The following ATP6V1E2 variants were observed in gnomAD, a reference collection of about 807,000 sequenced individuals.
ATP6V1E2 encodes V-type proton ATPase subunit E 2.
For synonymous variants in ATP6V1E2, 121 were observed against 104.2 expected (o/e 1.16, Z -0.98); for missense variants, 308 against 273.3 (o/e 1.13, Z -0.90).
rs563261106 is a variant in ATP6V1E2, at chr2:46,529,120, C to T, written c.-102+6693G>A. Among the ~76,000 whole-genome samples, 53 of 152,308 alleles carry T rather than the reference C, an allele frequency of 3.5e-4. 1 individual carries two copies. Among genetic ancestry groups the T allele is most frequent in the African/African-American group, 1.2e-3 (48 of 41,578 alleles). ...CCAAGCCTCCATCCAACCTGTAAGT[C>T]GTGGGTAGGGACAGCCCCAAGAGGG... On this transcript the variant is annotated intron_variant, in intron 4 of 4. Transcript: ENST00000522587.
intron 4 of ATP6V1E2, among the ~76,000 whole-genome samples, chr2:46,515,418 T>C (rs1687668724): frequency 6.6e-6 from 1 of 152,208 alleles, no homozygotes; most frequent in African/African-American, 2.4e-5. Flanking sequence ...TTGAAGTTAA[T>C]TCATCAGCTT....
At chr2:46,524,564 G>A (rs1450292288) in intron 4 of ATP6V1E2, among the ~76,000 whole-genome samples, 2 of 152,170 alleles carry the variant, frequency 1.3e-5, no homozygotes, top group South Asian at 2.1e-4. Context: ...AAAGCATCTG[G>A]CACTCAAAAT....
chr2:46,538,064 A>C (rs984414675), intron 2 of ATP6V1E2, among the ~76,000 whole-genome samples: 4 of 152,104 alleles, frequency 2.6e-5, no homozygotes, highest in Admixed American at 2.0e-4. Flanking sequence ...TGTCATCCCC[A>C]CATCCCCACA....
chr2:46,512,842 A>G lies in ATP6V1E2; in HGVS notation c.-101-30T>C, dbSNP rs531694853. 4.3e-3 allele frequency: 3,332 copies of G among 771,296 alleles called. 112 individuals are homozygous for G. The South Asian group carries it at 0.058, about 13-fold the overall frequency. The allele number at this position is 771,296 out of a possible 1,614,324, so 47.8% of individuals were successfully genotyped here. ...ACCAGTGAACAAGAGGATGAAAGAG[A>G]AAGTCAGAGGCTATAGAGGAGGATT... On this transcript the variant is annotated intron_variant, in intron 4 of 4. Coordinates refer to ENST00000522587, the MANE Select transcript of ATP6V1E2 (RefSeq NM_001318063.2).
Position 46,530,925 on chromosome 2 carries a change from C to T in ATP6V1E2, c.-102+4888G>A, listed in dbSNP as rs758716063. Among the ~76,000 whole-genome samples the T allele has an allele frequency of 3.9e-5, 6 of 152,210 alleles. No individual in the cohort carries two copies. The highest frequency in any genetic ancestry group is 7.2e-5 in the African/African-American group (3 of 41,448). On this transcript the variant is annotated intron_variant, in intron 4 of 4. Coordinates refer to ENST00000522587, the MANE Select transcript of ATP6V1E2 (RefSeq NM_001318063.2). The surrounding 1 kb of genome is among the most constrained non-coding windows in gnomAD (Gnocchi z 5.2). Reference sequence around the variant, plus strand: ...CAGTTACTTCCCACCGGGCCCCTCCCGTGGCACGTGGGAATTATGGGAGCT... The same window carrying T: ...CAGTTACTTCCCACCGGGCCCCTCCTGTGGCACGTGGGAATTATGGGAGCT...
At chr2:46,537,854 A>C (rs1667526852) in intron 2 of ATP6V1E2, among the ~76,000 whole-genome samples, 1 of 152,196 alleles carries the variant, frequency 6.6e-6, no homozygotes, top group African/African-American at 2.4e-5. Context: ...CTAGAGTTCT[A>C]ATCTCAGCTT....
intron 4 of ATP6V1E2, chr2:46,534,331 C>T (rs1166255334): frequency 6.6e-6 from 1 of 152,204 alleles, no homozygotes; most frequent in East Asian, 1.9e-4. Flanking sequence ...CTGTTAAGTT[C>T]AGCCACTGAA....
At chr2:46,525,957 G>A (rs777760872) in intron 4 of ATP6V1E2, among the ~76,000 whole-genome samples, 21 of 151,076 alleles carry the variant, frequency 1.4e-4, no homozygotes, top group Admixed American at 2.0e-4. Context: ...ATACTTCCCC[G>A]GTCTGTTGCC....
At chr2:46,518,613 A>G (rs1487258164) in intron 4 of ATP6V1E2, among the ~76,000 whole-genome samples, 2 of 151,988 alleles carry the variant, frequency 1.3e-5, no homozygotes, top group African/African-American at 2.4e-5. Context: ...CTTGGGTTCA[A>G]TCTTACAAAA....
chr2:46,515,705 A>T (rs1220754167), intron 4 of ATP6V1E2, among the ~76,000 whole-genome samples: 2 of 152,232 alleles, frequency 1.3e-5, no homozygotes. Flanking sequence ...AAATGGATTA[A>T]ATGTTCCAAT....
intron 4 of ATP6V1E2, among the ~76,000 whole-genome samples, chr2:46,516,957 T>G (rs1266405567): frequency 6.6e-6 from 1 of 152,170 alleles, no homozygotes; most frequent in African/African-American, 2.4e-5. Context: ...CCTGATGCTG[T>G]TTTTTGCAGA....
At chr2:46,517,620 T>G (rs1666339187) in intron 4 of ATP6V1E2, among the ~76,000 whole-genome samples, 1 of 152,194 alleles carries the variant, frequency 6.6e-6, no homozygotes, top group Admixed American at 6.5e-5. Flanking sequence ...CATAAGGAAC[T>G]TTTACAACTC....
At chr2:46,515,225 A>C (rs902117116) in intron 4 of ATP6V1E2, among the ~76,000 whole-genome samples, 4 of 152,236 alleles carry the variant, frequency 2.6e-5, no homozygotes, top group Non-Finnish European at 5.9e-5. Flanking sequence ...CAAATACAGA[A>C]TACTGTAATA....
intron 4 of ATP6V1E2, among the ~76,000 whole-genome samples, chr2:46,529,478 G>A (rs961710149): frequency 6.6e-6 from 1 of 152,202 alleles, no homozygotes; most frequent in Non-Finnish European, 1.5e-5. Flanking sequence ...GATTTGGCTG[G>A]GTGTGGTGGC....
intron 2 of ATP6V1E2, among the ~76,000 whole-genome samples, chr2:46,539,519 G>A (rs1038949427): frequency 2.0e-5 from 3 of 152,242 alleles, no homozygotes; most frequent in African/African-American, 7.2e-5. Flanking sequence ...TTCTTCCTCA[G>A]TGGCCCCATT....
At chr2:46,515,248 T>A (rs187075375) in intron 4 of ATP6V1E2, among the ~76,000 whole-genome samples, 1 of 152,212 alleles carries the variant, frequency 6.6e-6, no homozygotes, top group Non-Finnish European at 1.5e-5. Context: ...GTAATGGTGA[T>A]ATGTAAATCA....
Position 46,512,519 on chromosome 2 carries a change from C to T in ATP6V1E2, c.193G>A (p.Glu65Lys). Reference protein sequence around the residue: ...EYYEKKEKQIEQQKKILMSTM... With the variant: ...EYYEKKEKQIKQQKKILMSTM... The stretch of plus-strand genomic sequence containing the variant: ...GACATCAGGATTTTCTTCTGCTGCT[C>T]TATCTGCTTCTCCTTTTTCTCATAA... Residue 65 changes from glutamate (E) to lysine (K), a missense_variant, in exon 5 of 5, where the codon GAG (glutamate) becomes AAG (lysine). Glu to Lys is a moderately conservative substitution (Grantham distance 56). Transcript: ENST00000522587. The T allele has an allele frequency of 6.2e-7, 1 of 1,614,198 alleles. No homozygotes were observed. The highest frequency in any genetic ancestry group is 8.5e-7 in the Non-Finnish European group (1 of 1,180,036).
At chr2:46,516,227 C>A (rs906079565) in intron 4 of ATP6V1E2, among the ~76,000 whole-genome samples, 1 of 152,212 alleles carries the variant, frequency 6.6e-6, no homozygotes, top group Admixed American at 6.5e-5. Context: ...GCACAATACA[C>A]ATTCTTCTCA....
intron 4 of ATP6V1E2, among the ~76,000 whole-genome samples, chr2:46,526,796 G>A (rs1257682155): frequency 6.6e-6 from 1 of 152,160 alleles, no homozygotes; most frequent in Non-Finnish European, 1.5e-5. Context: ...GACTTGGGGT[G>A]CTCTCCTTTC....
Sources: gnomAD v4.1 joint callset for allele counts (sites outside exome capture counted in the v4.1 genomes callset) on GRCh38, gnomAD v4.1.1 for gene constraint, Gnocchi (gnomAD v3.1) non-coding constraint, MANE v1.5 for transcripts, NCBI Gene and HGNC (gene_info 2026-07-23, HGNC 2026-07-21) for gene names.